UTRN: variants seen among roughly 807,000 people sequenced by gnomAD.
UTRN encodes dystrophin-related protein 1.
In UTRN, 283 loss-of-function variants were observed where a neutral mutation model predicts 463.9. The observed-to-expected ratio is 0.61, with a 90% CI of 0.55 to 0.67. The LOEUF is 0.67. Among genes scored for constraint, UTRN ranks in the 30% least tolerant of loss-of-function variants. The probability of loss-of-function intolerance (pLI) is 0.00; values close to 1 mark genes in which losing one functional copy is unlikely to be tolerated. For missense variants in UTRN, 3,922 were observed against 4,084.3 expected (o/e 0.96, Z 1.08); for synonymous variants, 1,442 against 1,431.5 (o/e 1.01, Z -0.17).
intron 2 of UTRN, among the ~76,000 whole-genome samples, chr6:144,359,653 C>G (rs1394194669): frequency 6.6e-6 from 1 of 150,986 alleles, no homozygotes; most frequent in Non-Finnish European, 1.5e-5. Flanking sequence ...TGATGAGCAT[C>G]TATTATATTT....
At position 144,382,043 on chromosome 6, in the gene UTRN, C is replaced by T. The variant is rs2114739648; in HGVS notation, c.80-21080C>T. Among the ~76,000 whole-genome samples the T allele has an allele frequency of 1.3e-5, 2 of 152,230 alleles. 1 individual carries two copies. Among genetic ancestry groups the T allele is most frequent in the East Asian group, 3.9e-4 (2 of 5,182 alleles). On this transcript the variant is annotated intron_variant, in intron 2 of 74. Coordinates refer to ENST00000367545, the MANE Select transcript of UTRN (RefSeq NM_007124.3). ...TTATTTTTTGCCTTTTTAATAATAG[C>T]CATTCTGACTGGTGTGAAATTTATA...
intron 6 of UTRN, among the ~76,000 whole-genome samples, chr6:144,424,803 A>C (rs756181855): frequency 2.0e-5 from 3 of 152,158 alleles, no homozygotes; most frequent in Non-Finnish European, 4.4e-5. Context: ...TAAAATATTT[A>C]GTGTGTATTT....
At chr6:144,611,337 G>C (rs547144894) in intron 51 of UTRN, among the ~76,000 whole-genome samples, 1 of 152,264 alleles carries the variant, frequency 6.6e-6, no homozygotes, top group African/African-American at 2.4e-5. Context: ...CACAACTTCT[G>C]TTCAGCATAG....
rs527726805 is a variant in UTRN, at chr6:144,702,987, G to A, written c.7809+2744G>A. ...CTATAGTGCTGTGATCTAATATTATGTAATAATATAGGTAAATTATGAAGA... is the reference window on the plus strand; with the variant it reads ...CTATAGTGCTGTGATCTAATATTATATAATAATATAGGTAAATTATGAAGA... On this transcript the variant is annotated intron_variant, in intron 53 of 74. Coordinates refer to ENST00000367545, the MANE Select transcript of UTRN (RefSeq NM_007124.3). Among the ~76,000 whole-genome samples, 32 of 152,242 alleles carry A rather than the reference G, an allele frequency of 2.1e-4. No individual in the cohort carries two copies. The South Asian group carries it at 4.6e-3, about 22-fold the overall frequency.
At chr6:144,315,591 G>A (rs1035240611) in intron 2 of UTRN, among the ~76,000 whole-genome samples, 1 of 152,236 alleles carries the variant, frequency 6.6e-6, no homozygotes, top group East Asian at 1.9e-4. Context: ...CAGCCCTTTT[G>A]CGTGGGCAAT....
chr6:144,410,343 A>G (rs972574698), intron 3 of UTRN, among the ~76,000 whole-genome samples: 2 of 152,132 alleles, frequency 1.3e-5, no homozygotes, highest in Admixed American at 6.5e-5. Flanking sequence ...GGAATAAGCT[A>G]TATTGTTTCC....
At chr6:144,797,522 A>G (rs1350805503) in intron 63 of UTRN, among the ~76,000 whole-genome samples, 1 of 152,224 alleles carries the variant, frequency 6.6e-6, no homozygotes, top group Non-Finnish European at 1.5e-5. Context: ...TTATTTATGT[A>G]AAAAGATGAC....
At chr6:144,777,163 T>G (rs941716015) in intron 60 of UTRN, among the ~76,000 whole-genome samples, 1 of 152,184 alleles carries the variant, frequency 6.6e-6, no homozygotes. Flanking sequence ...GAGTGAATGA[T>G]TTGAGTTTGA....
At chr6:144,295,981 A>G (rs2473134) in intron 2 of UTRN, among the ~76,000 whole-genome samples, 50,676 of 152,094 alleles carry the variant, frequency 0.33, 13,682 homozygotes, top group African/African-American at 0.75. Context: ...TCACCTCTTC[A>G]GAGATCTTCC....
intron 8 of UTRN, among the ~76,000 whole-genome samples, chr6:144,429,366 G>A (rs1785585459): frequency 1.3e-5 from 2 of 151,952 alleles, no homozygotes; most frequent in South Asian, 4.2e-4. Flanking sequence ...AGGCTTTTAG[G>A]GAAGACTTTA....
chr6:144,778,791 AAGTC>A (rs150734595), intron 60 of UTRN, among the ~76,000 whole-genome samples: 2,326 of 152,210 alleles, frequency 0.015, 39 homozygotes, highest in Middle Eastern at 0.058. Flanking sequence ...ATTAAAGAAA[AAGTC>A]AGAAAGTTGG....
intron 61 of UTRN, among the ~76,000 whole-genome samples, chr6:144,783,740 T>C (rs530056580): frequency 5.3e-5 from 8 of 152,336 alleles, no homozygotes; most frequent in African/African-American, 1.9e-4. Flanking sequence ...CTCTCGATTT[T>C]TTTTAATTAG....
At chr6:144,800,313 A>G (rs1777594978) in intron 64 of UTRN, among the ~76,000 whole-genome samples, 1 of 152,212 alleles carries the variant, frequency 6.6e-6, no homozygotes, top group Non-Finnish European at 1.5e-5. Context: ...TATTCTCCCT[A>G]CTTTTGAATT....
intron 53 of UTRN, among the ~76,000 whole-genome samples, chr6:144,714,143 T>G (rs1786109656): frequency 6.6e-6 from 1 of 152,170 alleles, no homozygotes; most frequent in African/African-American, 2.4e-5. Flanking sequence ...TTTTTAAATT[T>G]TGTCTGCATA....
chr6:144,772,242 C>T (rs1215169388), intron 59 of UTRN, among the ~76,000 whole-genome samples: 1 of 151,662 alleles, frequency 6.6e-6, no homozygotes, highest in African/African-American at 2.4e-5. Flanking sequence ...CTGTGTTGCC[C>T]AGGCTGGTCT....
At position 144,405,515 on chromosome 6, in the gene UTRN, C is replaced by T. The variant is rs548708081; in HGVS notation, c.141+2331C>T. ...AAAAAATAAATCCCGTTGAAGGGAA[C>T]GAATTTTTTTTTTCATTTTTAAAAA... On this transcript the variant is annotated intron_variant, in intron 3 of 74. Coordinates refer to ENST00000367545, the MANE Select transcript of UTRN (RefSeq NM_007124.3). Among the ~76,000 whole-genome samples the T allele has an allele frequency of 6.0e-4, 91 of 151,846 alleles. 1 individual carries two copies. Among genetic ancestry groups the T allele is most frequent in the Middle Eastern group, 3.4e-3 (1 of 294 alleles).
intron 53 of UTRN, chr6:144,707,019 A>G (rs1785166479): frequency 2.0e-5 from 3 of 152,216 alleles, no homozygotes; most frequent in African/African-American, 7.2e-5. Flanking sequence ...GAGCACAGCA[A>G]TCCTGGATTG....
intron 34 of UTRN, 128 bp from the exon 35 acceptor site, chr6:144,510,816 T>C (rs1795102044): frequency 1.3e-6 from 1 of 756,882 alleles, no homozygotes; most frequent in South Asian, 5.4e-5. Flanking sequence ...ACTTTGACAT[T>C]GTAAATTATA....
At chr6:144,797,675 A>C (rs1337816460) in intron 63 of UTRN, 149 bp from the exon 64 acceptor site, 1 of 754,418 alleles carries the variant, frequency 1.3e-6, no homozygotes, top group Admixed American at 3.6e-5. Flanking sequence ...GACTTGAAGA[A>C]CCTTAAAGCA....
Sources: gnomAD v4.1 joint callset for allele counts (sites outside exome capture counted in the v4.1 genomes callset) on GRCh38, gnomAD v4.1.1 for gene constraint, MANE v1.5 for transcripts, NCBI Gene and HGNC (gene_info 2026-07-23, HGNC 2026-07-21) for gene names.